TBCD: variants seen among roughly 807,000 people sequenced by gnomAD.
TBCD encodes the protein tubulin-specific chaperone D.
A neutral mutation model predicts 169.3 loss-of-function variants in TBCD; 105 were observed. The ratio of observed to expected loss-of-function variants is 0.62; its 90% CI spans 0.53 to 0.73. TBCD has a LOEUF of 0.73. Ranked by LOEUF, TBCD falls within the 30% of genes least tolerant of loss-of-function variation. TBCD has a pLI of 0.00. For synonymous variants in TBCD, 700 were observed against 643.9 expected (o/e 1.09, Z -1.32); for missense variants, 1,444 against 1,600.1 (o/e 0.90, Z 1.66).
intron 23 of TBCD, chr17:82,913,416 C>T (rs1008675961): frequency 6.6e-6 from 1 of 152,326 alleles, no homozygotes; most frequent in Non-Finnish European, 1.5e-5. Context: ...TAAAGGCGTT[C>T]CGAATCCCTT....
chr17:82,881,085 G>T (rs1443852307), intron 14 of TBCD, among the ~76,000 whole-genome samples: 1 of 151,888 alleles, frequency 6.6e-6, no homozygotes, highest in East Asian at 1.9e-4. Context: ...CCATCCTTCT[G>T]TTTTTTTTCT....
intron 13 of TBCD, among the ~76,000 whole-genome samples, chr17:82,822,159 G>C (rs2052469674): frequency 6.6e-6 from 1 of 152,196 alleles, no homozygotes; most frequent in Non-Finnish European, 1.5e-5. Context: ...CGAAAACTCT[G>C]CACGTACTTC....
In TBCD at chr17:82,939,157, CTG is replaced by C. The variant is rs2062905983; in HGVS notation, c.3370-204_3370-203del. On this transcript the variant is annotated intron_variant, in intron 36 of 38. Coordinates refer to ENST00000355528, the MANE Select transcript of TBCD (RefSeq NM_005993.5). ...TTCACTGCTGGGATCCTGCAGCTAG[CTG>C]TGTGTCTGTGGAGGGAGGAGGTGGT... The C allele has an allele frequency of 1.7e-5, 10 of 602,166 alleles. No individual in the cohort carries two copies. In the South Asian group the frequency reaches 2.0e-4, roughly 12 times the overall value. 37.3% of individuals were successfully genotyped at this position (602,166 alleles called of 1,614,324 possible).
At chr17:82,752,980 G>GGTAC (rs1312991794) in intron 1 of TBCD, among the ~76,000 whole-genome samples, 2 of 152,160 alleles carry the variant, frequency 1.3e-5, no homozygotes, top group Non-Finnish European at 2.9e-5. Context: ...GTGGGGTGTA[G>GGTAC]GTACCCCTGT....
chr17:82,832,807 C>T lies in TBCD; in HGVS notation c.1318+17873C>T, dbSNP rs945444051. Among the ~76,000 whole-genome samples, 1 of 152,230 alleles carries T rather than the reference C, an allele frequency of 6.6e-6. No homozygotes were observed. The highest frequency in any genetic ancestry group is 1.5e-5 in the Non-Finnish European group (1 of 68,044). ...GTCACAGAAGCAGCCCTGCCCTACC[C>T]TTGGTAACCTGGCTGCTGACTCCCC... On this transcript the variant is annotated intron_variant, in intron 13 of 38. Coordinates refer to ENST00000355528, the MANE Select transcript of TBCD (RefSeq NM_005993.5). The surrounding 1 kb of genome is among the most constrained non-coding windows in gnomAD (Gnocchi z 4.9).
rs12601113 is a variant in TBCD at position 82,789,972 on chromosome 17, G to A, written c.772-7785G>A. Among the ~76,000 whole-genome samples, 7,737 of 152,258 alleles carry A rather than the reference G, an allele frequency of 0.051. 299 individuals carry two copies. The highest frequency in any genetic ancestry group is 0.15 in the East Asian group (795 of 5,164). ...TCCCCGAGACGCCGTGTTCCCTCCC[G>A]CTGTCCGCTCACACCTGCCTGTGTG... On this transcript the variant is annotated intron_variant, in intron 7 of 38. Transcript: ENST00000355528. This position sits in a 1 kb window ranked among gnomAD's most constrained non-coding sequence, Gnocchi z 4.8.
intron 17 of TBCD, 146 bp downstream of exon 17, chr17:82,893,778 G>A: frequency 1.5e-6 from 1 of 654,334 alleles, no homozygotes; most frequent in Non-Finnish European, 2.6e-6. Flanking sequence ...AAATGGAATT[G>A]GGAACAGTGA....
chr17:82,774,463 C>T (rs1030122705), intron 6 of TBCD, among the ~76,000 whole-genome samples: 11 of 152,250 alleles, frequency 7.2e-5, no homozygotes, highest in African/African-American at 2.4e-4. Flanking sequence ...TACACAGACA[C>T]AGTAACAAAC....
rs60978063 is a variant in TBCD at position 82,855,993 on chromosome 17, CTTTTTT to C, written c.1319-14211_1319-14206del. Among the ~76,000 whole-genome samples, 519 of 66,230 alleles carry C rather than the reference CTTTTTT, an allele frequency of 7.8e-3. 2 individuals are homozygous for C. Among genetic ancestry groups the C allele is most frequent in the African/African-American group, 0.035 (491 of 14,220 alleles). 43.4% of individuals were successfully genotyped at this position (66,230 alleles called of 152,430 possible). A position where few individuals can be genotyped will look rare whatever the true frequency, so the allele number is the denominator to read the frequency against. On this transcript the variant is annotated intron_variant, in intron 13 of 38. Transcript: ENST00000355528. ...TTTGTATGGGTAGACTCCCCCCCCA[CTTTTTT>C]TTTTTTTTTTTTTTTTTTTGTAGAG...
chr17:82,826,221 AC>A (rs775602676), intron 13 of TBCD, among the ~76,000 whole-genome samples: 74 of 149,534 alleles, frequency 4.9e-4, no homozygotes, highest in Admixed American at 9.9e-4. Context: ...GGTGTTCATG[AC>A]CTTTTTTTTT....
chr17:82,769,876 CAAA>C (rs11348436), intron 5 of TBCD, among the ~76,000 whole-genome samples: 60 of 110,998 alleles, frequency 5.4e-4, no homozygotes, highest in South Asian at 2.2e-3. Context: ...GAGTCCATCT[CAAA>C]AAAAAAAAAA....
intron 1 of TBCD, among the ~76,000 whole-genome samples, chr17:82,753,545 C>T (rs1183305939): frequency 1.4e-5 from 2 of 146,938 alleles, no homozygotes; most frequent in African/African-American, 5.0e-5. Context: ...CAACCTCAAC[C>T]TCTCAGGTTC....
chr17:82,881,723 G>T (rs1329970400), intron 14 of TBCD, among the ~76,000 whole-genome samples: 1 of 152,144 alleles, frequency 6.6e-6, no homozygotes, highest in Admixed American at 6.5e-5. Context: ...TGCACCTGGT[G>T]GTTTGTATTA....
In TBCD at chr17:82,766,343, C is replaced by G. The variant is rs530523082; in HGVS notation, c.410C>G (p.Thr137Arg). ...GTAGAGCCTGTTTTAGATTTGGTCA[C>G]AATTCAGAATCCCAAGGACCATGAA... Reference protein sequence around the residue: ...ADVEPVLDLVTIQNPKDHEAW... With the variant: ...ADVEPVLDLVRIQNPKDHEAW... The change falls in exon 4 of 39, where the codon ACA becomes AGA. Residue 137 changes from threonine (T) to arginine (R), a missense_variant. Physicochemically the swap from Thr to Arg is moderately conservative, Grantham distance 71. Transcript: ENST00000355528. The G allele has an allele frequency of 1.5e-5, 24 of 1,612,824 alleles. No individual in the cohort carries two copies. In the South Asian group the frequency reaches 2.4e-4, roughly 16 times the overall value.
intron 21 of TBCD, among the ~76,000 whole-genome samples, 175 bp downstream of exon 21, chr17:82,907,996 C>T (rs1019701123): frequency 3.3e-5 from 5 of 152,206 alleles, no homozygotes; most frequent in Admixed American, 1.3e-4. Flanking sequence ...TCTCTGCTGG[C>T]GTCATGCTTG....
intron 9 of TBCD, among the ~76,000 whole-genome samples, chr17:82,804,678 T>C (rs1053173409): frequency 1.3e-5 from 2 of 152,174 alleles, no homozygotes; most frequent in South Asian, 2.1e-4. Flanking sequence ...GCTGGCTTCA[T>C]TGGAGGCTGA....
At chr17:82,754,818 A>G (rs1032731173) in intron 1 of TBCD, among the ~76,000 whole-genome samples, 4 of 152,220 alleles carry the variant, frequency 2.6e-5, no homozygotes, top group Non-Finnish European at 5.9e-5. Flanking sequence ...AAGCAGTTTC[A>G]GCTGCTGAGA....
At chr17:82,813,706 A>G (rs1314711084) in intron 12 of TBCD, among the ~76,000 whole-genome samples, 3 of 152,230 alleles carry the variant, frequency 2.0e-5, no homozygotes, top group African/African-American at 4.8e-5. Flanking sequence ...TCTTTCTCCA[A>G]TGAAAACCCT....
chr17:82,841,375 T>C (rs1235570790), intron 13 of TBCD, among the ~76,000 whole-genome samples: 3 of 151,754 alleles, frequency 2.0e-5, no homozygotes, highest in Non-Finnish European at 2.9e-5. Context: ...TGGAGTGCAG[T>C]GGTGCGATCA....
Sources: gnomAD v4.1 joint callset for allele counts (sites outside exome capture counted in the v4.1 genomes callset) on GRCh38, gnomAD v4.1.1 for gene constraint, Gnocchi (gnomAD v3.1) non-coding constraint, MANE v1.5 for transcripts, NCBI Gene and HGNC (gene_info 2026-07-23, HGNC 2026-07-21) for gene names.